The following GALM variants were observed in gnomAD, a reference collection of about 807,000 sequenced individuals.
GALM encodes the protein aldose 1-epimerase.
Under a neutral mutation model 37.4 loss-of-function variants are expected in GALM, and 43 were observed. That is an observed-to-expected ratio of 1.15 (90% CI 0.90 to 1.48). The LOEUF (loss-of-function observed/expected upper bound fraction) is 1.48, where lower values mean the gene tolerates loss of function less well. Ranked by LOEUF, GALM falls within the 40% of genes most tolerant of loss-of-function variation. The pLI, the probability that GALM is intolerant of heterozygous loss-of-function variation, is 0.00. For synonymous variants in GALM, 199 were observed against 170.6 expected (o/e 1.17, Z -1.30); for missense variants, 456 against 419.1 (o/e 1.09, Z -0.77).
At chr2:38,709,598 G>GC (rs1020944013) in intron 4 of GALM, among the ~76,000 whole-genome samples, 5 of 150,516 alleles carry the variant, frequency 3.3e-5, no homozygotes, top group African/African-American at 1.2e-4. Context: ...ACAGAATAAA[G>GC]CCGCAAACCC....
chr2:38,708,111 T>TTAAAA lies in GALM; in HGVS notation c.634+18253_634+18257dup, dbSNP rs60153386. Among the ~76,000 whole-genome samples the TTAAAA allele has an allele frequency of 1.3e-3, 175 of 135,732 alleles. 1 individual carries two copies. Among genetic ancestry groups the TTAAAA allele is most frequent in the African/African-American group, 4.1e-3 (133 of 32,506 alleles). 89.0% of individuals were successfully genotyped at this position (135,732 alleles called of 152,430 possible). A position where few individuals can be genotyped will look rare whatever the true frequency, so the allele number is the denominator to read the frequency against. ...AACAGAGTGAGAAACTGTATCAAAA[T>TTAAAA]TAAAATAAAATAAAATAAAATAAAA... is the stretch of plus-strand genomic sequence containing the variant. On this transcript the variant is annotated intron_variant, in intron 4 of 6. Transcript: ENST00000272252.
chr2:38,727,948 C>T (rs1666520978), intron 4 of GALM, among the ~76,000 whole-genome samples: 1 of 152,144 alleles, frequency 6.6e-6, no homozygotes, highest in African/African-American at 2.4e-5. Flanking sequence ...TTGCATGCTA[C>T]TTCTCTCCCC....
chr2:38,723,046 T>C (rs1666415911), intron 4 of GALM, among the ~76,000 whole-genome samples: 1 of 152,180 alleles, frequency 6.6e-6, no homozygotes, highest in Non-Finnish European at 1.5e-5. Context: ...CTCTGGGTTT[T>C]TTTCTGCCTC....
At chr2:38,671,433 G>C (rs1665096676) in intron 1 of GALM, 2 of 152,128 alleles carry the variant, frequency 1.3e-5, no homozygotes, top group Non-Finnish European at 2.9e-5. Context: ...GATCTTACAC[G>C]GCAGTAGGAG....
Position 38,706,046 on chromosome 2 carries a change from C to T in GALM, c.634+16152C>T, listed in dbSNP as rs558394585. Among the ~76,000 whole-genome samples the T allele has an allele frequency of 2.5e-4, 38 of 151,628 alleles. 1 individual carries two copies. Among genetic ancestry groups the T allele is most frequent in the Admixed American group, 1.3e-4 (2 of 15,224 alleles). On this transcript the variant is annotated intron_variant, in intron 4 of 6. Coordinates refer to ENST00000272252, the MANE Select transcript of GALM (RefSeq NM_138801.3). Reference sequence around the variant, plus strand: ...TTTGAGACAAAGTCTCACTCTGTTGCCCAAGCTGGAGTGCAGTGACACGAT... The same window carrying T: ...TTTGAGACAAAGTCTCACTCTGTTGTCCAAGCTGGAGTGCAGTGACACGAT...
intron 4 of GALM, among the ~76,000 whole-genome samples, chr2:38,713,332 T>C (rs1271063916): frequency 2.6e-5 from 4 of 152,166 alleles, no homozygotes; most frequent in African/African-American, 4.8e-5. Context: ...TCAGTGGCCA[T>C]TGGCTGACTG....
intron 4 of GALM, among the ~76,000 whole-genome samples, chr2:38,722,052 C>CG (rs1666391057): frequency 1.6e-5 from 2 of 121,570 alleles, no homozygotes; most frequent in Non-Finnish European, 3.6e-5. Context: ...CCCCCCCCCC[C>CG]ACCTAGAACA....
At chr2:38,675,541 TTTTGTGTGTGTGTGTGTGTGTGTG>T (rs1474803521) in intron 1 of GALM, among the ~76,000 whole-genome samples, 2 of 65,578 alleles carry the variant, frequency 3.0e-5, no homozygotes, top group African/African-American at 6.8e-5. Flanking sequence ...TTTTTTTTTT[TTTTGTGTGTGTGTGTGTGTGTGTG>T]TGTGTGTGTG....
chr2:38,683,961 TG>T (rs1665464444), intron 3 of GALM, among the ~76,000 whole-genome samples: 1 of 152,122 alleles, frequency 6.6e-6, no homozygotes, highest in Admixed American at 6.6e-5. Context: ...TGAAGGTGGA[TG>T]GGGGCACCAG....
chr2:38,676,149 A>G, intron 2 of GALM, 83 bp downstream of exon 2: 1 of 1,360,054 alleles, frequency 7.4e-7, no homozygotes, highest in South Asian at 1.2e-5. Flanking sequence ...CATAGGCCCT[A>G]GAGCACATGA....
intron 4 of GALM, among the ~76,000 whole-genome samples, chr2:38,722,523 G>T (rs974197520): frequency 3.9e-5 from 6 of 152,136 alleles, no homozygotes; most frequent in Non-Finnish European, 8.8e-5. Flanking sequence ...TGGCCTCCAG[G>T]AGAATAAGAA....
At chr2:38,721,637 C>G (rs1159439717) in intron 4 of GALM, among the ~76,000 whole-genome samples, 1 of 152,120 alleles carries the variant, frequency 6.6e-6, no homozygotes, top group Admixed American at 6.6e-5. Context: ...CCTCAGCCTC[C>G]CTAGTAGCTG....
chr2:38,676,631 C>T (rs13004806), intron 2 of GALM, among the ~76,000 whole-genome samples: 10,728 of 152,128 alleles, frequency 0.071, 557 homozygotes, highest in South Asian at 0.22. Context: ...GGTGTGGTGG[C>T]GGCCACCTGT....
At chr2:38,712,171 TTC>T (rs1666185453) in intron 4 of GALM, among the ~76,000 whole-genome samples, 1 of 152,242 alleles carries the variant, frequency 6.6e-6, no homozygotes, top group Admixed American at 6.5e-5. Context: ...GGATTCCTGG[TTC>T]TGTCATCCCA....
intron 4 of GALM, among the ~76,000 whole-genome samples, chr2:38,712,435 T>G (rs1287421801): frequency 6.6e-6 from 1 of 152,214 alleles, no homozygotes; most frequent in Non-Finnish European, 1.5e-5. Flanking sequence ...GAAACATGTT[T>G]CCTCTTCGCT....
intron 4 of GALM, among the ~76,000 whole-genome samples, chr2:38,701,694 A>T (rs1294310057): frequency 6.6e-6 from 1 of 152,200 alleles, no homozygotes; most frequent in African/African-American, 2.4e-5. Flanking sequence ...TAAACCTACA[A>T]TTCGGCAGAT....
intron 4 of GALM, among the ~76,000 whole-genome samples, chr2:38,726,811 G>A (rs1189804966): frequency 2.0e-5 from 3 of 151,614 alleles, no homozygotes; most frequent in African/African-American, 7.3e-5. Flanking sequence ...CAGAAGAATC[G>A]CTTGAACCTG....
At chr2:38,685,813 G>A (rs917680310) in intron 3 of GALM, among the ~76,000 whole-genome samples, 4 of 152,082 alleles carry the variant, frequency 2.6e-5, no homozygotes, top group South Asian at 2.1e-4. Context: ...CGCCTCCCAA[G>A]TTCCAGGGAT....
At position 38,666,267 on chromosome 2, in the gene GALM, T is replaced by C. The variant is rs773110151; in HGVS notation, c.106T>C (p.Trp36Arg). 6 of 1,613,980 alleles carry C rather than the reference T, an allele frequency of 3.7e-6. No individual in the cohort carries two copies. The South Asian group carries it at 6.6e-5, about 18-fold the overall frequency. ...CCTCTTGAGAGTGGACATCATCTCC[T>C]GGGGCTGCACGATCACAGCCCTAGA... Reference protein sequence around the residue: ...SDLLRVDIISWGCTITALEVK... With the variant: ...SDLLRVDIISRGCTITALEVK... The change falls in exon 1 of 7, where the codon TGG becomes CGG. Residue 36 changes from tryptophan to arginine, a missense_variant. Transcript: ENST00000272252.
Sources: allele counts gnomAD v4.1 joint callset (sites outside exome capture counted in the v4.1 genomes callset), GRCh38; gene constraint gnomAD v4.1.1; transcripts MANE v1.5; gene names NCBI Gene and HGNC (gene_info 2026-07-23, HGNC 2026-07-21).